The following PTPRD variants were observed in gnomAD, a reference collection of about 807,000 sequenced individuals.
PTPRD encodes protein tyrosine phosphatase receptor type D.
In PTPRD, 34 loss-of-function variants were observed where a neutral mutation model predicts 214.5. The ratio of observed to expected loss-of-function variants is 0.16; its 90% CI spans 0.12 to 0.21. PTPRD has a LOEUF of 0.21. Among genes scored for constraint, PTPRD ranks in the 10% least tolerant of loss-of-function variants. PTPRD has a pLI of 1.00. For synonymous variants in PTPRD, 1,128 were observed against 845.7 expected, an observed-to-expected ratio of 1.33 and a Z score of -5.79; for missense variants, 2,545 against 2,398.7, an observed-to-expected ratio of 1.06 and a Z score of -1.27.
Position 9,860,833 on chromosome 9 carries a change from C to G in PTPRD, c.-368+77674G>C, listed in dbSNP as rs1381242296. 2.0e-5 allele frequency among the ~76,000 whole-genome samples: 3 copies of G among 152,244 alleles called. No homozygotes were observed. In the East Asian group the frequency reaches 5.8e-4, roughly 29 times the overall value. On this transcript the variant is annotated intron_variant, in intron 5 of 45. Transcript: ENST00000381196. ...TTCTTTGTGGCTTTTATCACCAAAG[C>G]ACAAAACAGAGATGTTGGTTTTGTT...
intron 37 of PTPRD, 64 bp downstream of exon 37, chr9:8,389,168 A>G (rs1367642248): frequency 4.2e-5 from 59 of 1,403,414 alleles, no homozygotes; most frequent in Non-Finnish European, 5.5e-5. Context: ...ACAGAATAAA[A>G]TATGCAACAT....
intron 3 of PTPRD, among the ~76,000 whole-genome samples, chr9:10,135,304 T>C (rs1437622358): frequency 1.3e-5 from 2 of 152,088 alleles, no homozygotes; most frequent in Non-Finnish European, 2.9e-5. Flanking sequence ...GAAACAGTAT[T>C]TGAGGATACA....
intron 7 of PTPRD, among the ~76,000 whole-genome samples, chr9:9,609,072 G>C (rs149120082): frequency 3.3e-4 from 50 of 152,194 alleles, no homozygotes; most frequent in African/African-American, 1.1e-3. Flanking sequence ...AGATCTGTGA[G>C]TCTATATTGC....
chr9:9,405,718 G>A (rs574936551), intron 8 of PTPRD, among the ~76,000 whole-genome samples: 10 of 152,060 alleles, frequency 6.6e-5, no homozygotes, highest in East Asian at 1.9e-4. Flanking sequence ...GTGCAAAATC[G>A]AATTTTTATC....
intron 8 of PTPRD, among the ~76,000 whole-genome samples, chr9:9,450,950 T>TACACACACACAC (rs145703989): frequency 0.058 from 7,901 of 136,232 alleles, 259 homozygotes; most frequent in African/African-American, 0.11. Flanking sequence ...CATACATACA[T>TACACACACACAC]ACACACACAC....
chr9:8,316,842 A>AGAT lies in PTPRD; in HGVS notation c.*1029_*1031dup. ...CAAAAAATTAAGAATAAATGGAAAG[A>AGAT]GATGTTTACAATAGCTTTTCTACGT... On this transcript the variant is annotated 3_prime_UTR_variant, in exon 46 of 46. Transcript: ENST00000381196. 4.3e-6 allele frequency: 1 copy of AGAT among 231,138 alleles called. No individual in the cohort carries two copies. Among genetic ancestry groups the AGAT allele is most frequent in the Non-Finnish European group, 8.6e-6 (1 of 116,590 alleles). The allele number at this position is 231,138 out of a possible 1,614,324, so 14.3% of individuals were successfully genotyped here.
chr9:8,594,422 A>T (rs2094343614), intron 14 of PTPRD, among the ~76,000 whole-genome samples: 1 of 152,198 alleles, frequency 6.6e-6, no homozygotes, highest in Non-Finnish European at 1.5e-5. Context: ...AAACATCAGA[A>T]CTCAAATATA....
intron 8 of PTPRD, among the ~76,000 whole-genome samples, chr9:9,536,652 T>C (rs2076574532): frequency 6.6e-6 from 1 of 152,030 alleles, no homozygotes; most frequent in South Asian, 2.1e-4. Flanking sequence ...AGCGCCGTCA[T>C]CATTTTGGCA....
intron 2 of PTPRD, among the ~76,000 whole-genome samples, chr9:10,557,478 A>G (rs777682616): frequency 2.6e-5 from 4 of 152,066 alleles, no homozygotes; most frequent in Non-Finnish European, 4.4e-5. Flanking sequence ...TGCACAACTC[A>G]GCAAAATGTA....
At chr9:9,908,176 G>A (rs1414428766) in intron 5 of PTPRD, among the ~76,000 whole-genome samples, 1 of 151,914 alleles carries the variant, frequency 6.6e-6, no homozygotes, top group Non-Finnish European at 1.5e-5. Flanking sequence ...ATTGAAAGAA[G>A]ATGGTAAATT....
intron 2 of PTPRD, among the ~76,000 whole-genome samples, chr9:10,528,366 G>A (rs1566752373): frequency 6.6e-6 from 1 of 152,064 alleles, no homozygotes; most frequent in Non-Finnish European, 1.5e-5. Context: ...AGGATTGTCA[G>A]AGTAAACTGA....
intron 2 of PTPRD, among the ~76,000 whole-genome samples, chr9:10,359,770 T>C (rs935179476): frequency 6.6e-6 from 1 of 152,214 alleles, no homozygotes; most frequent in African/African-American, 2.4e-5. Flanking sequence ...TTAACAATTT[T>C]AGTGTACACT....
intron 2 of PTPRD, among the ~76,000 whole-genome samples, chr9:10,351,945 T>A (rs998937165): frequency 6.6e-6 from 1 of 151,822 alleles, no homozygotes; most frequent in Non-Finnish European, 1.5e-5. Flanking sequence ...ACAGACCGAG[T>A]TTTGAGTCAG....
intron 14 of PTPRD, among the ~76,000 whole-genome samples, chr9:8,589,338 G>C (rs1332632518): frequency 6.6e-6 from 1 of 152,130 alleles, no homozygotes; most frequent in African/African-American, 2.4e-5. Context: ...ATTTAATGTA[G>C]CAAAATACTC....
chr9:9,650,926 T>A (rs1678287195), intron 7 of PTPRD, among the ~76,000 whole-genome samples: 1 of 152,102 alleles, frequency 6.6e-6, no homozygotes. Context: ...GTATATTATC[T>A]ACAAATAGCA....
At position 9,148,187 on chromosome 9, in the gene PTPRD, A is replaced by T. The variant is rs534404061; in HGVS notation, c.-143+35117T>A. Among the ~76,000 whole-genome samples the T allele has an allele frequency of 2.6e-3, 403 of 152,278 alleles. 1 individual carries two copies. The highest frequency in any genetic ancestry group is 9.2e-3 in the African/African-American group (381 of 41,560). On this transcript the variant is annotated intron_variant, in intron 10 of 45. Coordinates refer to ENST00000381196, the MANE Select transcript of PTPRD (RefSeq NM_002839.4). ...GAGAAAGTTTTTGCTAGAGAAAAAA[A>T]AATTGCATGTTTTACTTTAGAGGTT...
At chr9:8,604,562 G>T (rs1276108125) in intron 14 of PTPRD, among the ~76,000 whole-genome samples, 2 of 152,130 alleles carry the variant, frequency 1.3e-5, no homozygotes, top group Non-Finnish European at 2.9e-5. Flanking sequence ...ATAGCCACTG[G>T]GGAATGATAC....
chr9:9,660,543 T>A (rs2096603364), intron 7 of PTPRD, among the ~76,000 whole-genome samples: 1 of 152,010 alleles, frequency 6.6e-6, no homozygotes, highest in South Asian at 2.1e-4. Context: ...GGAGTCAAAG[T>A]AAATATGTAA....
intron 3 of PTPRD, among the ~76,000 whole-genome samples, chr9:10,065,294 C>A (rs769617828): frequency 6.6e-6 from 1 of 151,848 alleles, no homozygotes; most frequent in Admixed American, 6.6e-5. Context: ...CAGAGTTGCA[C>A]GATGTTAGTC....
Sources: gnomAD v4.1 joint callset for allele counts (sites outside exome capture counted in the v4.1 genomes callset) on GRCh38, gnomAD v4.1.1 for gene constraint, MANE v1.5 for transcripts, NCBI Gene and HGNC (gene_info 2026-07-23, HGNC 2026-07-21) for gene names.